Variants in FHIT observed in about 807,000 individuals in gnomAD.
FHIT encodes fragile histidine triad diadenosine triphosphatase.
In FHIT, 19 loss-of-function variants were observed where a neutral mutation model predicts 17.9. The observed-to-expected ratio is 1.06, with a 90% CI of 0.74 to 1.56. The LOEUF is 1.56. FHIT is among the 40% of genes most tolerant of loss of function. The pLI, the probability that FHIT is intolerant of heterozygous loss-of-function variation, is 0.00. For missense variants in FHIT, 248 were observed against 189.2 expected, an observed-to-expected ratio of 1.31 and a Z score of -1.82; for synonymous variants, 81 against 69.7, an observed-to-expected ratio of 1.16 and a Z score of -0.81.
At chr3:59,981,801 T>C (rs988961600) in intron 7 of FHIT, among the ~76,000 whole-genome samples, 4 of 152,110 alleles carry the variant, frequency 2.6e-5, no homozygotes, top group African/African-American at 9.7e-5. Flanking sequence ...CAAAAGCCTT[T>C]CAGCTCTGGA....
At chr3:60,768,644 CT>C (rs1699932561) in intron 4 of FHIT, among the ~76,000 whole-genome samples, 1 of 152,180 alleles carries the variant, frequency 6.6e-6, no homozygotes, top group African/African-American at 2.4e-5. Flanking sequence ...TTTCCTCTAC[CT>C]TTTGTGGTAA....
intron 3 of FHIT, among the ~76,000 whole-genome samples, chr3:60,923,391 T>C (rs1234911752): frequency 2.0e-5 from 3 of 152,190 alleles, no homozygotes; most frequent in Non-Finnish European, 4.4e-5. Flanking sequence ...AAGAAAACAC[T>C]ATTCATTCAC....
intron 5 of FHIT, among the ~76,000 whole-genome samples, chr3:60,360,175 A>T (rs907386922): frequency 2.6e-5 from 4 of 152,008 alleles, no homozygotes; most frequent in Non-Finnish European, 4.4e-5. Context: ...ACCACAACTT[A>T]ACAATTAATC....
chr3:60,225,412 G>C (rs555010404), intron 5 of FHIT, among the ~76,000 whole-genome samples: 1 of 152,194 alleles, frequency 6.6e-6, no homozygotes, highest in African/African-American at 2.4e-5. Context: ...AGAAGACAGA[G>C]TATCTGTACC....
intron 3 of FHIT, among the ~76,000 whole-genome samples, chr3:60,992,586 C>A (rs1432725343): frequency 1.3e-5 from 2 of 152,128 alleles, no homozygotes; most frequent in African/African-American, 2.4e-5. Flanking sequence ...TGGCAAAGAA[C>A]CGCAGGGCAG....
intron 7 of FHIT, among the ~76,000 whole-genome samples, chr3:59,925,345 A>G (rs9867252): frequency 0.033 from 5,089 of 152,154 alleles, 264 homozygotes; most frequent in African/African-American, 0.12. Context: ...GCCTCAAGCA[A>G]TCCCCTCTCC....
chr3:61,027,401 A>T (rs913826504), intron 3 of FHIT, among the ~76,000 whole-genome samples: 4 of 152,126 alleles, frequency 2.6e-5, no homozygotes, highest in African/African-American at 9.7e-5. Context: ...TACTTTTATT[A>T]TCTATACTCT....
chr3:60,915,677 C>T (rs1352984120), intron 3 of FHIT, among the ~76,000 whole-genome samples: 1 of 152,098 alleles, frequency 6.6e-6, no homozygotes, highest in Admixed American at 6.5e-5. Context: ...CAATGATATC[C>T]TCATAAAAGG....
At chr3:60,317,195 C>T (rs76340531) in intron 5 of FHIT, among the ~76,000 whole-genome samples, 16 of 151,542 alleles carry the variant, frequency 1.1e-4, no homozygotes, top group African/African-American at 3.4e-4. Context: ...GTTCATATTC[C>T]TTTTTTTTCT....
chr3:60,032,030 TATC>T (rs1375939987), intron 5 of FHIT, among the ~76,000 whole-genome samples: 2 of 152,142 alleles, frequency 1.3e-5, no homozygotes, highest in Non-Finnish European at 2.9e-5. Context: ...TAGAAGTACT[TATC>T]ATTACAATTA....
chr3:60,580,874 G>A (rs1002265114), intron 4 of FHIT, among the ~76,000 whole-genome samples: 3 of 152,092 alleles, frequency 2.0e-5, no homozygotes, highest in East Asian at 1.9e-4. Flanking sequence ...GTATGACAGC[G>A]AAGTGGTAGC....
At chr3:60,892,384 C>A (rs1209744062) in intron 3 of FHIT, among the ~76,000 whole-genome samples, 1 of 152,174 alleles carries the variant, frequency 6.6e-6, no homozygotes, top group Non-Finnish European at 1.5e-5. Flanking sequence ...CCCACCAACT[C>A]AACCAGCCCT....
intron 3 of FHIT, among the ~76,000 whole-genome samples, chr3:60,947,833 A>T (rs1197460286): frequency 6.6e-6 from 1 of 152,236 alleles, no homozygotes; most frequent in Non-Finnish European, 1.5e-5. Context: ...GGCGAAGTCC[A>T]GATAACATCT....
At chr3:60,490,883 C>A (rs2034034742) in intron 5 of FHIT, among the ~76,000 whole-genome samples, 1 of 152,146 alleles carries the variant, frequency 6.6e-6, no homozygotes, top group Admixed American at 6.5e-5. Flanking sequence ...AAGTAACTTG[C>A]ACAGGTAGCC....
intron 4 of FHIT, among the ~76,000 whole-genome samples, chr3:60,632,853 G>A (rs1218749162): frequency 6.6e-6 from 1 of 152,140 alleles, no homozygotes; most frequent in East Asian, 1.9e-4. Flanking sequence ...TACAACAGAG[G>A]TTATTTCTAG....
chr3:60,927,441 G>A (rs1002469985), intron 3 of FHIT, among the ~76,000 whole-genome samples: 24 of 152,194 alleles, frequency 1.6e-4, no homozygotes, highest in African/African-American at 5.3e-4. Flanking sequence ...CTGCCCAGCC[G>A]CCAATCATCT....
chr3:60,805,718 G>A lies in FHIT; in HGVS notation c.-18+16201C>T, dbSNP rs368706470. Among the ~76,000 whole-genome samples, 151 of 152,020 alleles carry A rather than the reference G, an allele frequency of 9.9e-4. 4 individuals are homozygous for A. The South Asian group carries it at 0.03, about 31-fold the overall frequency. ...CTACAGGCACCCACCACCACACCTG[G>A]CTAATTTTGTTTTTGTATTTTTGGT... is the stretch of plus-strand genomic sequence containing the variant. On this transcript the variant is annotated intron_variant, in intron 4 of 9. Coordinates refer to ENST00000492590, the MANE Select transcript of FHIT (RefSeq NM_002012.4).
chr3:60,861,280 CT>C (rs1242081119), intron 3 of FHIT, among the ~76,000 whole-genome samples: 25 of 41,428 alleles, frequency 6.0e-4, no homozygotes, highest in South Asian at 3.9e-3. Context: ...ATATATCTTT[CT>C]TTTTTTTTTC....
At chr3:60,366,954 T>G (rs1480292569) in intron 5 of FHIT, among the ~76,000 whole-genome samples, 1 of 152,190 alleles carries the variant, frequency 6.6e-6, no homozygotes, top group Non-Finnish European at 1.5e-5. Flanking sequence ...CTATGCTAAG[T>G]GAAAATATCC....
Sources: allele counts gnomAD v4.1 joint callset (sites outside exome capture counted in the v4.1 genomes callset), GRCh38; gene constraint gnomAD v4.1.1; transcripts MANE v1.5; gene names NCBI Gene and HGNC (gene_info 2026-07-23, HGNC 2026-07-21).